Variants in SETBP1 observed in about 807,000 individuals in gnomAD.
SETBP1 encodes the protein SET-binding protein.
In SETBP1, 9 loss-of-function variants were observed where a neutral mutation model predicts 101.0. That is an observed-to-expected ratio of 0.09 (90% CI 0.05 to 0.16). SETBP1 has a LOEUF of 0.16. Ranked by LOEUF, SETBP1 falls within the 10% of genes least tolerant of loss-of-function variation. The pLI is 1.00. For missense variants in SETBP1, 1,858 were observed against 2,033.8 expected, an observed-to-expected ratio of 0.91 and a Z score of 1.66; for synonymous variants, 818 against 788.5, an observed-to-expected ratio of 1.04 and a Z score of -0.63.
At chr18:45,027,870 A>C (rs1455154705) in intron 4 of SETBP1, among the ~76,000 whole-genome samples, 6 of 152,284 alleles carry the variant, frequency 3.9e-5, no homozygotes, top group Admixed American at 3.9e-4. Flanking sequence ...TCTTTCTAGA[A>C]ACTGTAGGAG....
chr18:44,771,735 A>G (rs890633849), intron 2 of SETBP1, among the ~76,000 whole-genome samples: 2 of 152,092 alleles, frequency 1.3e-5, no homozygotes, highest in Non-Finnish European at 2.9e-5. Flanking sequence ...TCTCATCAGC[A>G]TGCAGCCCTT....
intron 4 of SETBP1, among the ~76,000 whole-genome samples, chr18:45,012,099 C>A (rs1407087439): frequency 6.6e-6 from 1 of 152,134 alleles, no homozygotes; most frequent in Non-Finnish European, 1.5e-5. Context: ...TGGTGTGATA[C>A]AATGCAGTCA....
intron 5 of SETBP1, among the ~76,000 whole-genome samples, chr18:45,053,610 C>T (rs1181947695): frequency 1.3e-5 from 2 of 151,942 alleles, no homozygotes; most frequent in Non-Finnish European, 2.9e-5. Context: ...ACTATTAAGA[C>T]CAGGAAAAAA....
At chr18:44,867,332 T>C (rs1426632420) in intron 2 of SETBP1, among the ~76,000 whole-genome samples, 4 of 152,212 alleles carry the variant, frequency 2.6e-5, no homozygotes, top group African/African-American at 7.2e-5. Context: ...ATTTCCTTTT[T>C]CACATCTTTG....
At chr18:44,691,108 C>T (rs930264182) in intron 1 of SETBP1, among the ~76,000 whole-genome samples, 1 of 152,118 alleles carries the variant, frequency 6.6e-6, no homozygotes, top group Non-Finnish European at 1.5e-5. Flanking sequence ...CAAAAGTTGG[C>T]ATCACTTTGT....
At chr18:44,995,224 C>T (rs2072466650) in intron 4 of SETBP1, among the ~76,000 whole-genome samples, 1 of 148,388 alleles carries the variant, frequency 6.7e-6, no homozygotes, top group Non-Finnish European at 1.5e-5. Flanking sequence ...TCACTGCAAG[C>T]TCCGCCTCCT....
chr18:44,877,331 C>T, intron 3 of SETBP1: 5 of 865,074 alleles, frequency 5.8e-6, no homozygotes, highest in Non-Finnish European at 6.9e-6. Context: ...GTATCTGGTC[C>T]TTCATCAAAG....
intron 2 of SETBP1, among the ~76,000 whole-genome samples, chr18:44,851,234 T>G (rs2072855395): frequency 6.6e-6 from 1 of 152,214 alleles, no homozygotes; most frequent in African/African-American, 2.4e-5. Context: ...TAGAACATGG[T>G]AGACCATTTC....
rs115034363 is a variant in SETBP1, at chr18:44,765,593, G to A, written c.486+63761G>A. On this transcript the variant is annotated intron_variant, in intron 2 of 5. Transcript: ENST00000649279. ...TGAATGGCGGATCCAGTTTATGTTG[G>A]CACAGATCAAATTAATCATTATTAA... Among the ~76,000 whole-genome samples, 787 of 152,238 alleles carry A rather than the reference G, an allele frequency of 5.2e-3. 8 individuals are homozygous for A. The highest frequency in any genetic ancestry group is 0.018 in the African/African-American group (736 of 41,524).
intron 5 of SETBP1, among the ~76,000 whole-genome samples, chr18:45,040,848 C>G (rs996267091): frequency 6.6e-6 from 1 of 152,228 alleles, no homozygotes; most frequent in Non-Finnish European, 1.5e-5. Flanking sequence ...AAATGAGACC[C>G]TCATGAGAAT....
chr18:44,782,843 T>C (rs946866462), intron 2 of SETBP1, among the ~76,000 whole-genome samples: 2 of 152,158 alleles, frequency 1.3e-5, no homozygotes, highest in African/African-American at 2.4e-5. Flanking sequence ...GCCAGGGTGA[T>C]CTTGTCCTTG....
At chr18:44,932,567 G>C (rs12326746) in intron 3 of SETBP1, among the ~76,000 whole-genome samples, 79,435 of 152,034 alleles carry the variant, frequency 0.52, 21,006 homozygotes, top group East Asian at 0.73. Context: ...CCATCACTTT[G>C]AGGTACACCA....
At chr18:44,806,623 CTTTTT>C (rs71177656) in intron 2 of SETBP1, among the ~76,000 whole-genome samples, 5 of 27,820 alleles carry the variant, frequency 1.8e-4, no homozygotes, top group African/African-American at 3.6e-4. Flanking sequence ...TAATGAGCTC[CTTTTT>C]TTTTTTTTTT....
intron 2 of SETBP1, among the ~76,000 whole-genome samples, chr18:44,709,043 G>A (rs1599016629): frequency 6.6e-6 from 1 of 152,148 alleles, no homozygotes; most frequent in Non-Finnish European, 1.5e-5. Context: ...CTCGTGTTCC[G>A]TAAATATATT....
At chr18:44,787,284 A>G (rs949617596) in intron 2 of SETBP1, among the ~76,000 whole-genome samples, 1 of 152,216 alleles carries the variant, frequency 6.6e-6, no homozygotes, top group African/African-American at 2.4e-5. Flanking sequence ...TATTTCATTT[A>G]TATAGCATCT....
chr18:44,834,983 A>T (rs1437021300), intron 2 of SETBP1, among the ~76,000 whole-genome samples: 1 of 152,154 alleles, frequency 6.6e-6, no homozygotes, highest in African/African-American at 2.4e-5. Context: ...ATGAAGTATG[A>T]GGTGGGACAG....
chr18:45,001,750 C>T (rs1369300271), intron 4 of SETBP1, among the ~76,000 whole-genome samples: 2 of 152,184 alleles, frequency 1.3e-5, no homozygotes, highest in East Asian at 1.9e-4. Context: ...GGACAGGTAA[C>T]ATACCAAGAT....
chr18:44,922,695 A>G (rs1019280007), intron 3 of SETBP1, among the ~76,000 whole-genome samples: 1 of 152,206 alleles, frequency 6.6e-6, no homozygotes, highest in African/African-American at 2.4e-5. Flanking sequence ...TTTCTTGCCT[A>G]GCTGAAGTGA....
chr18:44,707,227 G>A (rs2069240088), intron 2 of SETBP1, among the ~76,000 whole-genome samples: 9 of 152,190 alleles, frequency 5.9e-5, no homozygotes, highest in Admixed American at 5.9e-4. Context: ...TGAAAGGTGA[G>A]GATCACTAGA....
Sources: gnomAD v4.1 joint callset for allele counts (sites outside exome capture counted in the v4.1 genomes callset) on GRCh38, gnomAD v4.1.1 for gene constraint, MANE v1.5 for transcripts, NCBI Gene and HGNC (gene_info 2026-07-23, HGNC 2026-07-21) for gene names.